The following BMP1 variants were observed in gnomAD, a reference collection of about 807,000 sequenced individuals.
BMP1 encodes the protein bone morphogenetic protein 1.
In BMP1, 63 loss-of-function variants were observed where a neutral mutation model predicts 116.8. The ratio of observed to expected loss-of-function variants is 0.54; its 90% confidence interval spans 0.44 to 0.67. The LOEUF is 0.67. Among genes scored for constraint, BMP1 ranks in the 30% least tolerant of loss-of-function variants. BMP1 has a pLI of 0.00. For synonymous variants in BMP1, 536 were observed against 533.4 expected (o/e 1.00, Z -0.07); for missense variants, 1,183 against 1,358.9 (o/e 0.87, Z 2.04).
At position 22,173,697 on chromosome 8, in the gene BMP1, T is replaced by A. The variant is rs776722785; in HGVS notation, c.244T>A (p.Ser82Thr). 1 of 1,612,342 alleles carries A rather than the reference T, an allele frequency of 6.2e-7. No individual in the cohort carries two copies. The highest frequency in any genetic ancestry group is 2.2e-5 in the East Asian group (1 of 44,808). The change falls in exon 2 of 20, where the codon TCC (serine) becomes ACC (threonine). Residue 82 changes from serine (S) to threonine (T), a missense_variant. Transcript: ENST00000306385. ...TCTCAGACGGCACACAGCTCGTAAGTCCTCCATCAAAGCTGCAGGTAAGCC... is the reference window on the plus strand; with the variant it reads ...TCTCAGACGGCACACAGCTCGTAAGACCTCCATCAAAGCTGCAGGTAAGCC... ...VDLRRHTARK[S>T]SIKAAVPGNT...
At chr8:22,202,032 G>A in intron 16 of BMP1, 104 bp downstream of exon 16, 1 of 1,448,966 alleles carries the variant, frequency 6.9e-7, no homozygotes, top group Non-Finnish European at 9.2e-7. Context: ...TCTGGGGCCT[G>A]TATGATCTCT....
Position 22,207,874 on chromosome 8 carries a change from T to G in BMP1, c.2575+358T>G, listed in dbSNP as rs975226913. ...CATTCTCTGATATTTATTTTTTTAT[T>G]TTTATTTTTATTTATTTTTTATTTT... On this transcript the variant is annotated intron_variant, in intron 18 of 19. Coordinates refer to ENST00000306385, the MANE Select transcript of BMP1 (RefSeq NM_006129.5). Among the ~76,000 whole-genome samples the G allele has an allele frequency of 3.3e-5, 5 of 152,146 alleles. No homozygotes were observed. The East Asian group carries it at 7.7e-4, about 23-fold the overall frequency.
Position 22,180,348 on chromosome 8 carries a change from G to T in BMP1, c.962-20G>T. On this transcript the variant is annotated intron_variant, in intron 7 of 19. Coordinates refer to ENST00000306385, the MANE Select transcript of BMP1 (RefSeq NM_006129.5). ...GATTTGGCGCCTGCAGCCCTGCCCT[G>T]TCATTTCCTTTCCTCACAGCCTGTG... 1 of 1,598,422 alleles carries T rather than the reference G, an allele frequency of 6.3e-7. No homozygotes were observed.
chr8:22,199,207 C>G lies in BMP1; in HGVS notation c.2107+1787C>G, dbSNP rs144534869. 7.3e-6 allele frequency: 10 copies of G among 1,367,478 alleles called. No individual in the cohort carries two copies. In the African/African-American group the frequency reaches 1.3e-4, roughly 18 times the overall value. 84.7% of individuals were successfully genotyped at this position (1,367,478 alleles called of 1,614,324 possible). A position where few individuals can be genotyped will look rare whatever the true frequency, so the allele number is the denominator to read the frequency against. On this transcript the variant is annotated intron_variant, in intron 15 of 19. Coordinates refer to ENST00000306385, the MANE Select transcript of BMP1 (RefSeq NM_006129.5). ...ACAAGAAACCTGCAGAGGACCCCCA[C>G]TGGGGGCATCGAGGCTCAGCCCTCA...
At chr8:22,206,381 A>C (rs1357113220) in intron 16 of BMP1, among the ~76,000 whole-genome samples, 1 of 152,080 alleles carries the variant, frequency 6.6e-6, no homozygotes, top group East Asian at 1.9e-4. Flanking sequence ...GCACGTCTGT[A>C]ATCCAAGATA....
Position 22,191,715 on chromosome 8 carries a change from G to A in BMP1, c.1078-334G>A, listed in dbSNP as rs190468259. Among the ~76,000 whole-genome samples the A allele has an allele frequency of 1.2e-4, 18 of 152,318 alleles. No homozygotes were observed. The South Asian group carries it at 3.3e-3, about 28-fold the overall frequency. On this transcript the variant is annotated intron_variant, in intron 8 of 19. Coordinates refer to ENST00000306385, the MANE Select transcript of BMP1 (RefSeq NM_006129.5). ...TTCAGACCCTCCAGTACCCTCACGC[G>A]GCCCTTGGCCCTTCCTACCACTGTA... is the stretch of plus-strand genomic sequence containing the variant.
intron 17 of BMP1, 58 bp downstream of exon 17, chr8:22,207,039 G>A: frequency 1.9e-6 from 3 of 1,597,752 alleles, no homozygotes; most frequent in Middle Eastern, 1.7e-4. Flanking sequence ...CAGAGGCACT[G>A]CCCAGAGCCA....
chr8:22,165,635 C>G (rs971943478), intron 1 of BMP1, 82 bp downstream of exon 1: 1 of 1,398,560 alleles, frequency 7.2e-7, no homozygotes, highest in Non-Finnish European at 9.4e-7. Flanking sequence ...GGAGGACAGT[C>G]CAGTGTGGGA....
intron 1 of BMP1, among the ~76,000 whole-genome samples, chr8:22,172,051 T>A (rs753334671): frequency 7.9e-5 from 12 of 152,330 alleles, no homozygotes; most frequent in Non-Finnish European, 1.2e-4. Context: ...TGATTCTGTA[T>A]GTGATGAAGT....
chr8:22,165,765 C>T (rs571354338), intron 1 of BMP1, among the ~76,000 whole-genome samples: 16 of 152,220 alleles, frequency 1.1e-4, no homozygotes, highest in Non-Finnish European at 2.1e-4. Flanking sequence ...GCTGCTGCCG[C>T]TGCCTCTCAT....
chr8:22,166,113 C>G (rs1457678578), intron 1 of BMP1, among the ~76,000 whole-genome samples: 1 of 152,026 alleles, frequency 6.6e-6, no homozygotes, highest in Non-Finnish European at 1.5e-5. Context: ...TCCCTGAGAT[C>G]GTGCTCTCTG....
At chr8:22,181,071 GTC>G (rs1339048736) in intron 8 of BMP1, among the ~76,000 whole-genome samples, 7 of 152,208 alleles carry the variant, frequency 4.6e-5, no homozygotes, top group Non-Finnish European at 8.8e-5. Flanking sequence ...TGCCTGGTGG[GTC>G]TCTCCTTCTC....
At chr8:22,182,940 G>C (rs114652798) in intron 8 of BMP1, among the ~76,000 whole-genome samples, 517 of 152,304 alleles carry the variant, frequency 3.4e-3, no homozygotes, top group African/African-American at 0.01. Context: ...CTCCTTCTAT[G>C]TTATTGAGCT....
At chr8:22,181,712 C>T (rs1828627432) in intron 8 of BMP1, among the ~76,000 whole-genome samples, 1 of 152,108 alleles carries the variant, frequency 6.6e-6, no homozygotes, top group African/African-American at 2.4e-5. Flanking sequence ...GCTACCATGC[C>T]CGGCAATTTT....
intron 1 of BMP1, chr8:22,171,531 G>A (rs1828276594): frequency 6.6e-6 from 1 of 152,226 alleles, no homozygotes; most frequent in African/African-American, 2.4e-5. Context: ...TGGAGCTTGT[G>A]CATGTGTGTT....
In BMP1 at chr8:22,197,248, G is replaced by A. The variant is rs773351816; in HGVS notation, c.1935G>A (p.Lys645=). The change falls in exon 15 of 20, where the codon AAG becomes AAA. Residue 645 remains lysine (K), a synonymous_variant. Coordinates refer to ENST00000306385, the MANE Select transcript of BMP1 (RefSeq NM_006129.5). ...FFETEGNDVC[K]YDFVEVRSGL... ...GCTGGGCTTCCCTGCAGGTGTGCAA[G>A]TACGACTTCGTGGAGGTGCGCAGTG... 1 of 1,610,068 alleles carries A rather than the reference G, an allele frequency of 6.2e-7. No homozygotes were observed. Among genetic ancestry groups the A allele is most frequent in the Non-Finnish European group, 8.5e-7 (1 of 1,176,572 alleles).
In BMP1 at chr8:22,192,069, C is replaced by T. The variant is rs1273304412; in HGVS notation, c.1098C>T (p.Ser366=). ...PGEKIILNFT[S]LDLYRSRLCW... Reference sequence around the variant, plus strand: ...CCTAGATCATCCTGAACTTCACGTCCCTGGACCTGTACCGCAGCCGCCTGT... The same window carrying T: ...CCTAGATCATCCTGAACTTCACGTCTCTGGACCTGTACCGCAGCCGCCTGT... Residue 366 remains serine, a synonymous_variant, in exon 9 of 20, where the codon TCC becomes TCT. Transcript: ENST00000306385. 3.7e-6 allele frequency: 6 copies of T among 1,613,830 alleles called. No homozygotes were observed. The highest frequency in any genetic ancestry group is 5.1e-6 in the Non-Finnish European group (6 of 1,179,870).
At chr8:22,206,130 G>A (rs1008248924) in intron 16 of BMP1, among the ~76,000 whole-genome samples, 4 of 152,160 alleles carry the variant, frequency 2.6e-5, no homozygotes, top group African/African-American at 9.7e-5. Context: ...ACTTTGGAAG[G>A]CCTAGGCAGG....
rs767291949 is a variant in BMP1 at position 22,179,707 on chromosome 8, G to A, written c.839G>A (p.Gly280Asp). 15 of 1,613,792 alleles carry A rather than the reference G, an allele frequency of 9.3e-6. No homozygotes were observed. Among genetic ancestry groups the A allele is most frequent in the South Asian group, 2.2e-5 (2 of 91,084 alleles). Residue 280 changes from glycine (G) to aspartate (D), a missense_variant and splice_region_variant, in exon 7 of 20, where the codon GGC becomes GAC. Physicochemically the swap from Gly to Asp is moderately conservative, Grantham distance 94 (BLOSUM62 -1). This residue lies in a region of BMP1 where 956 missense variants were observed against 1,135.2 expected (regional missense o/e 0.84). Transcript: ENST00000306385. This position sits in a 1 kb window ranked among gnomAD's most constrained non-coding sequence, Gnocchi z 4.6. ...MHYARNTFSR[G>D]IFLDTIVPKY... ...TTACTTTTCTCCCTCTTCTTCAGGGGCATCTTCCTGGATACCATTGTCCCC... is the reference window on the plus strand; with the variant it reads ...TTACTTTTCTCCCTCTTCTTCAGGGACATCTTCCTGGATACCATTGTCCCC...
Sources: gnomAD v4.1 joint callset for allele counts (sites outside exome capture counted in the v4.1 genomes callset) on GRCh38, gnomAD v4.1.1 for gene constraint, gnomAD v4.1.1 regional missense constraint, Gnocchi (gnomAD v3.1) non-coding constraint, MANE v1.5 for transcripts, NCBI Gene and HGNC (gene_info 2026-07-23, HGNC 2026-07-21) for gene names.